ASH1L: variants seen among roughly 807,000 people sequenced by gnomAD.
ASH1L encodes the protein ASH1 like histone lysine methyltransferase.
Under a neutral mutation model 269.0 loss-of-function variants are expected in ASH1L, and 23 were observed. The observed-to-expected ratio is 0.09, with a 90% CI of 0.06 to 0.12. The LOEUF (loss-of-function observed/expected upper bound fraction) is 0.12. Among genes scored for constraint, ASH1L ranks in the 10% least tolerant of loss-of-function variants. The probability of loss-of-function intolerance (pLI) is 1.00; values close to 1 mark genes in which losing one functional copy is unlikely to be tolerated. For missense variants in ASH1L, 2,912 were observed against 3,567.8 expected (o/e 0.82, Z 4.68); for synonymous variants, 1,187 against 1,253.5 (o/e 0.95, Z 1.12).
At chr1:155,355,449 G>A (rs1654295604) in intron 15 of ASH1L, among the ~76,000 whole-genome samples, 1 of 152,204 alleles carries the variant, frequency 6.6e-6, no homozygotes, top group African/African-American at 2.4e-5. Context: ...CAGGACATAT[G>A]TAAATAGATG....
At chr1:155,458,495 A>T (rs927705366) in intron 4 of ASH1L, among the ~76,000 whole-genome samples, 1 of 152,184 alleles carries the variant, frequency 6.6e-6, no homozygotes. Flanking sequence ...CCGGCAGATC[A>T]TCTGAGGTCA....
At chr1:155,463,571 T>C (rs1285138489) in intron 3 of ASH1L, among the ~76,000 whole-genome samples, 2 of 152,090 alleles carry the variant, frequency 1.3e-5, no homozygotes, top group Non-Finnish European at 2.9e-5. Flanking sequence ...GGTAGCCAGG[T>C]TGCTTGAGTT....
chr1:155,421,083 T>TA (rs1366148953), intron 5 of ASH1L, among the ~76,000 whole-genome samples: 1 of 150,650 alleles, frequency 6.6e-6, no homozygotes, highest in East Asian at 2.0e-4. Flanking sequence ...CAAAAAATTT[T>TA]AAAAAACTAG....
At chr1:155,341,468 G>A (rs963508938) in intron 25 of ASH1L, among the ~76,000 whole-genome samples, 4 of 152,128 alleles carry the variant, frequency 2.6e-5, no homozygotes, top group Non-Finnish European at 2.9e-5. Flanking sequence ...GAGCCACCGC[G>A]CCTGGCTCAC....
intron 2 of ASH1L, among the ~76,000 whole-genome samples, chr1:155,485,502 T>C (rs1445685563): frequency 1.3e-5 from 2 of 152,126 alleles, no homozygotes; most frequent in Non-Finnish European, 1.5e-5. Flanking sequence ...AGTGGTAAAT[T>C]GCCCTCAGTG....
chr1:155,477,782 CA>C lies in ASH1L; in HGVS notation c.4984+103del, dbSNP rs969343075. The C allele has an allele frequency of 2.4e-5, 27 of 1,124,838 alleles. No individual in the cohort carries two copies. In the African/African-American group the frequency reaches 3.0e-4, roughly 13 times the overall value. The allele number at this position is 1,124,838 out of a possible 1,614,324, so 69.7% of individuals were successfully genotyped here. ...ATTTCAAAATACACTTATTAAAAAA[CA>C]AAAAAAGATATATATATTAAAAGTT... On this transcript the variant is annotated intron_variant, in intron 3 of 27. Transcript: ENST00000392403.
intron 2 of ASH1L, among the ~76,000 whole-genome samples, chr1:155,506,478 C>T (rs144558184): frequency 7.4e-4 from 113 of 151,788 alleles, no homozygotes; most frequent in African/African-American, 2.7e-3. Context: ...GGGTGGATCA[C>T]CTGAGGTCAG....
At chr1:155,485,809 A>T (rs1666295886) in intron 2 of ASH1L, among the ~76,000 whole-genome samples, 2 of 152,234 alleles carry the variant, frequency 1.3e-5, no homozygotes, top group Non-Finnish European at 2.9e-5. Flanking sequence ...AAAATGAATC[A>T]GGGCTCCTGC....
At chr1:155,342,679 T>C (rs1652915966) in intron 24 of ASH1L, among the ~76,000 whole-genome samples, 1 of 152,242 alleles carries the variant, frequency 6.6e-6, no homozygotes, top group South Asian at 2.1e-4. Flanking sequence ...GATTATTTTA[T>C]ATAATCTTTT....
At chr1:155,544,371 C>G (rs992984196) in intron 1 of ASH1L, among the ~76,000 whole-genome samples, 1 of 151,668 alleles carries the variant, frequency 6.6e-6, no homozygotes, top group African/African-American at 2.4e-5. Flanking sequence ...ACTGCAAGCT[C>G]TGCCTCCCGG....
intron 5 of ASH1L, among the ~76,000 whole-genome samples, chr1:155,422,580 T>A (rs1660788264): frequency 6.6e-6 from 1 of 151,660 alleles, no homozygotes; most frequent in Non-Finnish European, 1.5e-5. Flanking sequence ...CTTAATAGCA[T>A]CTGGGAACTT....
intron 10 of ASH1L, among the ~76,000 whole-genome samples, chr1:155,374,922 C>G (rs1195968094): frequency 2.6e-5 from 4 of 152,126 alleles, no homozygotes; most frequent in Non-Finnish European, 5.9e-5. Flanking sequence ...TCAAGCGATC[C>G]TCCCACCTCA....
At position 155,480,577 on chromosome 1, in the gene ASH1L, C is replaced by T. The variant is rs751043920; in HGVS notation, c.2293G>A (p.Gly765Arg). The change falls in exon 3 of 28, where the codon GGA becomes AGA. Residue 765 changes from glycine (G) to arginine (R), a missense_variant. Gly to Arg is a moderately radical substitution (Grantham distance 125, BLOSUM62 -2). Coordinates refer to ENST00000392403, the MANE Select transcript of ASH1L (RefSeq NM_018489.3). ...TCATGATCTACAAATGAAGGGGGTCCAATGTTTTTCATAAACTTGGCTGGC... is the reference window on the plus strand; with the variant it reads ...TCATGATCTACAAATGAAGGGGGTCTAATGTTTTTCATAAACTTGGCTGGC... The part of the protein sequence containing the change: ...SEPAKFMKNI[G>R]PPSFVDHDFL... The T allele has an allele frequency of 1.9e-6, 3 of 1,613,890 alleles. No individual in the cohort carries two copies. The highest frequency in any genetic ancestry group is 2.5e-6 in the Non-Finnish European group (3 of 1,179,976).
intron 25 of ASH1L, among the ~76,000 whole-genome samples, chr1:155,341,302 G>A (rs1210734823): frequency 1.3e-5 from 2 of 151,752 alleles, no homozygotes; most frequent in African/African-American, 4.8e-5. Flanking sequence ...TCAGCCTCCC[G>A]AGTAGCTGGG....
chr1:155,560,788 A>G (rs518612), intron 1 of ASH1L, among the ~76,000 whole-genome samples: 36 of 152,176 alleles, frequency 2.4e-4, no homozygotes, highest in Admixed American at 7.2e-4. Flanking sequence ...TCTCCCTCAC[A>G]CATACAACCT....
intron 3 of ASH1L, among the ~76,000 whole-genome samples, chr1:155,469,790 G>T (rs891448034): frequency 1.2e-4 from 18 of 152,142 alleles, no homozygotes; most frequent in Non-Finnish European, 1.0e-4. Flanking sequence ...TGATCTACCT[G>T]ATCTCTTTTC....
Position 155,429,420 on chromosome 1 carries a change from G to A in ASH1L, c.5828+8907C>T, listed in dbSNP as rs528628155. On this transcript the variant is annotated intron_variant, in intron 5 of 27. Coordinates refer to ENST00000392403, the MANE Select transcript of ASH1L (RefSeq NM_018489.3). ...CCTGAGTAGCTAGGACTACAGGCGT[G>A]TGCTACCACAACTGGCTAACTTTTT... is the stretch of plus-strand genomic sequence containing the variant. 3.5e-3 allele frequency among the ~76,000 whole-genome samples: 540 copies of A among 152,146 alleles called. 1 individual carries two copies. The highest frequency in any genetic ancestry group is 5.5e-3 in the Non-Finnish European group (374 of 67,994).
At position 155,434,139 on chromosome 1, in the gene ASH1L, T is replaced by G. The variant is rs556829507; in HGVS notation, c.5828+4188A>C. 8.4e-5 allele frequency: 134 copies of G among 1,594,676 alleles called. No individual in the cohort carries two copies. In the African/African-American group the frequency reaches 1.5e-3, roughly 18 times the overall value. ...TTTCCTCTGGCCCCAGGGCCCCATT[T>G]TGGTACCCCAGGCTATGGGAGCCCT... On this transcript the variant is annotated intron_variant, in intron 5 of 27. Transcript: ENST00000392403.
chr1:155,338,173 T>TACA lies in ASH1L; in HGVS notation c.8716_8718dup (p.Cys2906dup). ...TGGTTATGCCGTCGTTCCTCAGGGG[T>TACA]ACAGGTTGACTGGGGTTCTTGACTA... On this transcript the variant is annotated inframe_insertion, in exon 27 of 28. Coordinates refer to ENST00000392403, the MANE Select transcript of ASH1L (RefSeq NM_018489.3). 6.2e-7 allele frequency: 1 copy of TACA among 1,614,102 alleles called. No individual in the cohort carries two copies. The highest frequency in any genetic ancestry group is 8.5e-7 in the Non-Finnish European group (1 of 1,180,014).
Sources: gnomAD v4.1 joint callset for allele counts (sites outside exome capture counted in the v4.1 genomes callset) on GRCh38, gnomAD v4.1.1 for gene constraint, MANE v1.5 for transcripts, NCBI Gene and HGNC (gene_info 2026-07-23, HGNC 2026-07-21) for gene names.